TOMM40: variants seen among roughly 807,000 people sequenced by gnomAD.
TOMM40 encodes the protein mitochondrial import receptor subunit TOM40 homolog.
In TOMM40, 9 loss-of-function variants were observed where a neutral mutation model predicts 38.4. That is an observed-to-expected ratio of 0.23 (90% CI 0.14 to 0.41). The LOEUF is 0.41. TOMM40 is among the 10% of genes least tolerant of loss of function. TOMM40 has a pLI of 1.00. For missense variants in TOMM40, 299 were observed against 486.5 expected, an observed-to-expected ratio of 0.61 and a Z score of 3.63; for synonymous variants, 184 against 210.0, an observed-to-expected ratio of 0.88 and a Z score of 1.07.
At chr19:44,893,752 G>A (rs771947634) in intron 3 of TOMM40, 28 bp from the exon 4 acceptor site, 2 of 1,601,190 alleles carry the variant, frequency 1.2e-6, no homozygotes, top group Non-Finnish European at 1.7e-6. Flanking sequence ...CACCACCTCT[G>A]ACCCCTTCCG....
In TOMM40 at chr19:44,894,018, T is replaced by G. The variant is rs1423884112; in HGVS notation, c.595T>G (p.Phe199Val). The G allele has an allele frequency of 6.5e-7, 1 of 1,539,352 alleles. No homozygotes were observed. Among genetic ancestry groups the G allele is most frequent in the Non-Finnish European group, 8.8e-7 (1 of 1,140,134 alleles). Residue 199 changes from phenylalanine (F) to valine (V), a missense_variant, in exon 5 of 9, where the codon TTC (phenylalanine) becomes GTC (valine). Phe to Val is a conservative substitution (Grantham distance 50, BLOSUM62 -1). Coordinates refer to ENST00000426677, the MANE Select transcript of TOMM40 (RefSeq NM_001128917.2). ...GGACGGGGAGTATCGGGGCTCTGAC[T>G]TCACAGCAGCCGTCACCCTGGGGAA... ...QVDGEYRGSD[F>V]TAAVTLGNPD... is the part of the protein sequence containing the mutation.
intron 5 of TOMM40, among the ~76,000 whole-genome samples, chr19:44,899,230 T>C (rs950801175): frequency 1.3e-5 from 2 of 152,114 alleles, no homozygotes; most frequent in African/African-American, 4.8e-5. Flanking sequence ...CAGTGTAACC[T>C]TGACCTTCTG....
Position 44,903,371 on chromosome 19 carries a change from CA to C in TOMM40, c.*203del. On this transcript the variant is annotated 3_prime_UTR_variant, in exon 9 of 9. Coordinates refer to ENST00000426677, the MANE Select transcript of TOMM40 (RefSeq NM_001128917.2). Reference sequence around the variant, plus strand: ...AATGGCGCTTCGGGATTCTGAGTAGCAGGGGCAGCATGCCCAGTGGGCCTGG... The same window carrying C: ...AATGGCGCTTCGGGATTCTGAGTAGCGGGGCAGCATGCCCAGTGGGCCTGG... The C allele has an allele frequency of 1.8e-6, 1 of 556,710 alleles. No homozygotes were observed. Among genetic ancestry groups the C allele is most frequent in the Admixed American group, 3.8e-5 (1 of 26,396 alleles). The allele number at this position is 556,710 out of a possible 1,614,324, so 34.5% of individuals were successfully genotyped here. A position where few individuals can be genotyped will look rare whatever the true frequency, so the allele number is the denominator to read the frequency against.
intron 5 of TOMM40, among the ~76,000 whole-genome samples, chr19:44,896,683 C>T (rs1969571410): frequency 6.6e-6 from 1 of 152,140 alleles, no homozygotes; most frequent in East Asian, 1.9e-4. Context: ...TCCTTTTCTG[C>T]TTCACTCTGA....
intron 5 of TOMM40, among the ~76,000 whole-genome samples, chr19:44,897,985 G>A (rs187111289): frequency 3.3e-5 from 5 of 152,180 alleles, no homozygotes; most frequent in African/African-American, 1.2e-4. Flanking sequence ...ATCTCCTCTG[G>A]GAAGGAGAGT....
Position 44,893,984 on chromosome 19 carries a change from CT to C in TOMM40, c.562del (p.Trp188GlyfsTer31). ...IQTQQSKFVN[W>X]QVDGEYRGSD... Reference sequence around the variant, plus strand: ...AGACCCAGCAGTCGAAGTTTGTGAACTGGCAGGTGGACGGGGAGTATCGGGG... The same window carrying C: ...AGACCCAGCAGTCGAAGTTTGTGAACGGCAGGTGGACGGGGAGTATCGGGG... On this transcript the variant is annotated frameshift_variant, in exon 5 of 9. Transcript: ENST00000426677. LOFTEE classifies it high-confidence loss of function. The C allele has an allele frequency of 6.4e-7, 1 of 1,558,232 alleles. No homozygotes were observed. The highest frequency in any genetic ancestry group is 2.3e-5 in the East Asian group (1 of 43,852).
intron 5 of TOMM40, among the ~76,000 whole-genome samples, chr19:44,897,254 G>C (rs903237360): frequency 4.6e-5 from 7 of 152,116 alleles, no homozygotes; most frequent in African/African-American, 1.4e-4. Flanking sequence ...AGATGGGAAG[G>C]ATGGTTAGAA....
At chr19:44,896,398 A>G (rs1969566887) in intron 5 of TOMM40, among the ~76,000 whole-genome samples, 1 of 152,148 alleles carries the variant, frequency 6.6e-6, no homozygotes, top group African/African-American at 2.4e-5. Flanking sequence ...TGGGCACAAT[A>G]GAAGCAACTA....
In TOMM40 at chr19:44,899,791, C is replaced by CTTTTTT. The variant is rs10524523; in HGVS notation, c.644-909_644-904dup. Among the ~76,000 whole-genome samples the CTTTTTT allele has an allele frequency of 1.5e-3, 132 of 90,904 alleles. 10 individuals carry two copies. Among genetic ancestry groups the CTTTTTT allele is most frequent in the Non-Finnish European group, 2.2e-3 (99 of 44,910 alleles). The allele number at this position is 90,904 out of a possible 152,430, so 59.6% of individuals were successfully genotyped here. On this transcript the variant is annotated intron_variant, in intron 5 of 8. Transcript: ENST00000426677. The stretch of plus-strand genomic sequence containing the variant: ...TACTGGCATGAGCCATTGCATCTGG[C>CTTTTTT]TTTTTTTTTTTTTTTTTTTTTTTTT...
chr19:44,903,282 G>GA lies in TOMM40; in HGVS notation c.*113_*114insA, dbSNP rs977210453. 8.7e-5 allele frequency: 92 copies of GA among 1,056,554 alleles called. No individual in the cohort carries two copies. The highest frequency in any genetic ancestry group is 1.3e-4 in the Admixed American group (3 of 23,956). The allele number at this position is 1,056,554 out of a possible 1,614,324, so 65.4% of individuals were successfully genotyped here. ...TCCCTTCCCTCCCCCCTTGGGGGTC[G>GA]GGGGGGACATTGGAAAGGAGGGACC... On this transcript the variant is annotated 3_prime_UTR_variant, in exon 9 of 9. Transcript: ENST00000426677.
chr19:44,891,833 C>A (rs1308329388), intron 1 of TOMM40, 144 bp downstream of exon 1: 2 of 912,572 alleles, frequency 2.2e-6, no homozygotes, highest in Non-Finnish European at 3.0e-6. Context: ...AATGGTGGAA[C>A]GTTGGACTTG....
intron 5 of TOMM40, among the ~76,000 whole-genome samples, chr19:44,894,751 A>G (rs1378469987): frequency 6.6e-6 from 1 of 152,166 alleles, no homozygotes; most frequent in Non-Finnish European, 1.5e-5. Flanking sequence ...TTCAGCCTGC[A>G]AGTAGTGCAG....
At chr19:44,891,789 T>G (rs1229401777) in intron 1 of TOMM40, 100 bp downstream of exon 1, 1 of 1,222,048 alleles carries the variant, frequency 8.2e-7, no homozygotes, top group African/African-American at 1.6e-5. Context: ...CCATTGGAAT[T>G]ATTTAACAGC....
In TOMM40 at chr19:44,901,013, C is replaced by G; in HGVS notation, c.767-15C>G. ...CTTGGTAATGAGACCCCGCCTCCAC[C>G]CCACTCTCTGACAGTGAACAACTGG... is the stretch of plus-strand genomic sequence containing the variant. On this transcript the variant is annotated splice_polypyrimidine_tract_variant and intron_variant, in intron 6 of 8. Transcript: ENST00000426677. The G allele has an allele frequency of 6.2e-7, 1 of 1,613,968 alleles. No homozygotes were observed. The highest frequency in any genetic ancestry group is 8.5e-7 in the Non-Finnish European group (1 of 1,179,986).
chr19:44,901,801 G>A (rs1969689805), intron 8 of TOMM40: 1 of 154,882 alleles, frequency 6.5e-6, no homozygotes. Context: ...AAAGTAGGTA[G>A]AGCAGCCAGG....
chr19:44,891,472 G>C lies in TOMM40; in HGVS notation c.57G>C (p.Ala19=), dbSNP rs1219695488. 3.8e-6 allele frequency: 5 copies of C among 1,312,310 alleles called. No homozygotes were observed. The African/African-American group carries it at 7.7e-5, about 20-fold the overall frequency. The allele number at this position is 1,312,310 out of a possible 1,614,324, so 81.3% of individuals were successfully genotyped here. A position where few individuals can be genotyped will look rare whatever the true frequency, so the allele number is the denominator to read the frequency against. The change falls in exon 1 of 9, where the codon GCG becomes GCC. Residue 19 remains alanine (A), a synonymous_variant. Transcript: ENST00000426677. ...SPPAGPPPPP[A]PALVGLPPPP... is the part of the protein sequence containing the mutation. Reference sequence around the variant, plus strand: ...CCGCAGGGCCGCCACCGCCGCCTGCGCCGGCCCTCGTGGGGCTGCCGCCAC... The same window carrying C: ...CCGCAGGGCCGCCACCGCCGCCTGCCCCGGCCCTCGTGGGGCTGCCGCCAC...
At position 44,891,402 on chromosome 19, in the gene TOMM40, C is replaced by T. The variant is rs1441745406; in HGVS notation, c.-14C>T. On this transcript the variant is annotated 5_prime_UTR_variant, in exon 1 of 9. Coordinates refer to ENST00000426677, the MANE Select transcript of TOMM40 (RefSeq NM_001128917.2). ...CTGACCTCTGCCCTCTGACCTCTCC[C>T]CTAGCAGGCGACCATGGGGAACGTG... 1.6e-6 allele frequency: 2 copies of T among 1,283,126 alleles called. No homozygotes were observed. The highest frequency in any genetic ancestry group is 9.8e-7 in the Non-Finnish European group (1 of 1,018,870). The allele number at this position is 1,283,126 out of a possible 1,614,324, so 79.5% of individuals were successfully genotyped here. A position where few individuals can be genotyped will look rare whatever the true frequency, so the allele number is the denominator to read the frequency against.
intron 3 of TOMM40, 37 bp downstream of exon 3, chr19:44,892,966 T>A (rs762225300): frequency 1.3e-6 from 2 of 1,550,824 alleles, no homozygotes; most frequent in Non-Finnish European, 1.8e-6. Context: ...TGTATCCTTC[T>A]AATAACAAAT....
intron 5 of TOMM40, among the ~76,000 whole-genome samples, chr19:44,896,979 G>C (rs2122759888): frequency 6.6e-6 from 1 of 152,320 alleles, no homozygotes; most frequent in Non-Finnish European, 1.5e-5. Context: ...CATGCCTATA[G>C]TCCCAGCTAC....
Sources: gnomAD v4.1 joint callset for allele counts (sites outside exome capture counted in the v4.1 genomes callset) on GRCh38, gnomAD v4.1.1 for gene constraint, MANE v1.5 for transcripts, NCBI Gene and HGNC (gene_info 2026-07-23, HGNC 2026-07-21) for gene names.